CDH13: variants seen among roughly 807,000 people sequenced by gnomAD.
CDH13 encodes the protein cadherin-13.
Under a neutral mutation model 63.8 loss-of-function variants are expected in CDH13, and 24 were observed. The ratio of observed to expected loss-of-function variants is 0.38; its 90% CI spans 0.27 to 0.53. The LOEUF (loss-of-function observed/expected upper bound fraction) is 0.53, where lower values mean the gene tolerates loss of function less well. CDH13 is among the 20% of genes least tolerant of loss of function. CDH13 has a pLI of 0.85. For missense variants in CDH13, 1,049 were observed against 903.1 expected (o/e 1.16, Z -2.07); for synonymous variants, 503 against 355.3 (o/e 1.42, Z -4.67).
At position 82,644,320 on chromosome 16, in the gene CDH13, C is replaced by G. The variant is rs1909807612; in HGVS notation, c.45+17183C>G. Among the ~76,000 whole-genome samples, 1 of 152,112 alleles carries G rather than the reference C, an allele frequency of 6.6e-6. No homozygotes were observed. Among genetic ancestry groups the G allele is most frequent in the African/African-American group, 2.4e-5 (1 of 41,416 alleles). Reference sequence around the variant, plus strand: ...ACTCTGCAAATCAAGGCCCCCCGAACTCCTCCCACCCCTGCCTTCTGCGTC... The same window carrying G: ...ACTCTGCAAATCAAGGCCCCCCGAAGTCCTCCCACCCCTGCCTTCTGCGTC... On this transcript the variant is annotated intron_variant, in intron 1 of 13. Transcript: ENST00000567109. This position sits in a 1 kb window ranked among gnomAD's most constrained non-coding sequence, Gnocchi z 5.7.
At chr16:83,201,832 G>A (rs952577271) in intron 4 of CDH13, among the ~76,000 whole-genome samples, 32 of 152,100 alleles carry the variant, frequency 2.1e-4, no homozygotes, top group Admixed American at 1.0e-3. Context: ...CAAGAATGGC[G>A]TGAACCCGGA....
At chr16:83,748,954 G>T (rs766413203) in intron 11 of CDH13, among the ~76,000 whole-genome samples, 20 of 152,326 alleles carry the variant, frequency 1.3e-4, no homozygotes, top group Admixed American at 3.9e-4. Context: ...GGTAATCTAT[G>T]CAAGATGGTG....
Position 83,130,305 on chromosome 16 carries a change from C to T in CDH13, c.483+4804C>T, listed in dbSNP as rs189418365. Among the ~76,000 whole-genome samples, 114 of 152,214 alleles carry T rather than the reference C, an allele frequency of 7.5e-4. 1 individual carries two copies. Among genetic ancestry groups the T allele is most frequent in the African/African-American group, 2.4e-3 (100 of 41,556 alleles). On this transcript the variant is annotated intron_variant, in intron 4 of 13. Transcript: ENST00000567109. ...GGGTGACGTAACCTGTCCAAAGCCA[C>T]ACAGCTAGTTCATAACAGAGCCAAG...
intron 4 of CDH13, among the ~76,000 whole-genome samples, chr16:83,200,387 C>T (rs375435406): frequency 4.6e-4 from 70 of 152,276 alleles, no homozygotes; most frequent in South Asian, 4.6e-3. Flanking sequence ...TTAGATGATA[C>T]CCAAAACTGT....
intron 11 of CDH13, among the ~76,000 whole-genome samples, chr16:83,774,044 G>A (rs1914940308): frequency 6.6e-6 from 1 of 152,166 alleles, no homozygotes; most frequent in African/African-American, 2.4e-5. Flanking sequence ...CCCATGTGGA[G>A]CCCAGCCCCC....
chr16:83,466,692 G>A (rs1478001410), intron 6 of CDH13, among the ~76,000 whole-genome samples: 2 of 152,166 alleles, frequency 1.3e-5, no homozygotes, highest in African/African-American at 4.8e-5. Flanking sequence ...TCTCCTGGTC[G>A]ACCTCTCCTG....
At chr16:83,418,721 G>A (rs186653468) in intron 6 of CDH13, among the ~76,000 whole-genome samples, 7 of 152,264 alleles carry the variant, frequency 4.6e-5, no homozygotes, top group Admixed American at 3.3e-4. Context: ...AGAATATCAT[G>A]GTGATGAGTG....
chr16:82,958,122 T>C (rs1906405412), intron 2 of CDH13, among the ~76,000 whole-genome samples: 1 of 152,148 alleles, frequency 6.6e-6, no homozygotes, highest in East Asian at 1.9e-4. Flanking sequence ...ATACCTAACC[T>C]AAAATCCCAA....
chr16:83,199,876 A>T (rs2038974867), intron 4 of CDH13, among the ~76,000 whole-genome samples: 1 of 152,176 alleles, frequency 6.6e-6, no homozygotes, highest in African/African-American at 2.4e-5. Flanking sequence ...AACCAAGGGC[A>T]CATTAGAGCC....
chr16:83,526,708 CTT>C lies in CDH13; in HGVS notation c.960+40055_960+40056del, dbSNP rs575143502. Among the ~76,000 whole-genome samples the C allele has an allele frequency of 1.5e-4, 23 of 152,350 alleles. No individual in the cohort carries two copies. In the South Asian group the frequency reaches 4.6e-3, roughly 30 times the overall value. ...TGCTGCCACTGTTTAAACACTGACT[CTT>C]TCACTTCCCCAGCCCAGCCTGTACA... On this transcript the variant is annotated intron_variant, in intron 7 of 13. Coordinates refer to ENST00000567109, the MANE Select transcript of CDH13 (RefSeq NM_001257.5).
chr16:82,670,851 G>A (rs979263808), intron 1 of CDH13, among the ~76,000 whole-genome samples: 1 of 152,156 alleles, frequency 6.6e-6, no homozygotes, highest in Admixed American at 6.5e-5. Context: ...CAGCTGTTTA[G>A]TACCTGAGAT....
chr16:83,205,299 C>T (rs1201178808), intron 4 of CDH13, among the ~76,000 whole-genome samples: 1 of 152,178 alleles, frequency 6.6e-6, no homozygotes, highest in African/African-American at 2.4e-5. Flanking sequence ...CCTAGTTATT[C>T]ACTGGGACAA....
chr16:82,886,382 T>C (rs1292992405), intron 2 of CDH13, among the ~76,000 whole-genome samples: 2 of 152,242 alleles, frequency 1.3e-5, no homozygotes, highest in Non-Finnish European at 2.9e-5. Context: ...TTCTGCACTA[T>C]TGCCAGTGTA....
At chr16:83,171,080 A>G (rs1233575379) in intron 4 of CDH13, among the ~76,000 whole-genome samples, 1 of 152,036 alleles carries the variant, frequency 6.6e-6, no homozygotes, top group Non-Finnish European at 1.5e-5. Context: ...TAAAGAGAAG[A>G]GGTTTAATTC....
intron 5 of CDH13, among the ~76,000 whole-genome samples, chr16:83,312,278 C>G (rs1389209898): frequency 1.3e-5 from 2 of 152,104 alleles, no homozygotes; most frequent in Admixed American, 6.5e-5. Context: ...CTTATGTGAG[C>G]TGCTCAGAGT....
At chr16:82,652,186 T>C (rs1013531600) in intron 1 of CDH13, among the ~76,000 whole-genome samples, 1 of 152,216 alleles carries the variant, frequency 6.6e-6, no homozygotes, top group African/African-American at 2.4e-5. Context: ...GGATCTCCAT[T>C]TCCCTGGAGA....
intron 4 of CDH13, among the ~76,000 whole-genome samples, chr16:83,214,947 G>A (rs1251149709): frequency 6.6e-6 from 1 of 152,088 alleles, no homozygotes; most frequent in Non-Finnish European, 1.5e-5. Flanking sequence ...AGCCCAGTAA[G>A]CTGTGGCTCT....
chr16:83,464,184 T>C (rs1340515186), intron 6 of CDH13, among the ~76,000 whole-genome samples: 1 of 151,960 alleles, frequency 6.6e-6, no homozygotes, highest in Non-Finnish European at 1.5e-5. Flanking sequence ...GGCAGTCTCT[T>C]GAGTATCTGG....
At position 83,271,341 on chromosome 16, in the gene CDH13, C is replaced by T. The variant is rs181581129; in HGVS notation, c.636+53844C>T. On this transcript the variant is annotated intron_variant, in intron 5 of 13. Coordinates refer to ENST00000567109, the MANE Select transcript of CDH13 (RefSeq NM_001257.5). ...GGGCAGATCCCAGGCTGGACTTCTC[C>T]TTATCCTGGCTTAAGGCCACCAGCA... Among the ~76,000 whole-genome samples the T allele has an allele frequency of 4.2e-5, 6 of 141,334 alleles. No homozygotes were observed. The East Asian group carries it at 8.6e-4, about 20-fold the overall frequency. The allele number at this position is 141,334 out of a possible 152,430, so 92.7% of individuals were successfully genotyped here. A position where few individuals can be genotyped will look rare whatever the true frequency, so the allele number is the denominator to read the frequency against.
Sources: gnomAD v4.1 joint callset for allele counts (sites outside exome capture counted in the v4.1 genomes callset) on GRCh38, gnomAD v4.1.1 for gene constraint, Gnocchi (gnomAD v3.1) non-coding constraint, MANE v1.5 for transcripts, NCBI Gene and HGNC (gene_info 2026-07-23, HGNC 2026-07-21) for gene names.